The following ITGA8 variants were observed in gnomAD, a reference collection of about 807,000 sequenced individuals.
ITGA8 encodes integrin alpha-8.
In ITGA8, 91 loss-of-function variants were observed where a neutral mutation model predicts 142.3. The observed-to-expected ratio is 0.64, with a 90% confidence interval of 0.54 to 0.76. The LOEUF (loss-of-function observed/expected upper bound fraction) is 0.76, where lower values mean the gene tolerates loss of function less well. ITGA8 is among the 30% of genes least tolerant of loss of function. The pLI is 0.00. For missense variants in ITGA8, 1,406 were observed against 1,327.7 expected (o/e 1.06, Z -0.92); for synonymous variants, 505 against 485.2 (o/e 1.04, Z -0.54).
intron 22 of ITGA8, among the ~76,000 whole-genome samples, chr10:15,590,126 ATAT>A (rs1424284406): frequency 6.6e-6 from 1 of 152,172 alleles, no homozygotes; most frequent in Non-Finnish European, 1.5e-5. Context: ...TGCTGTATGT[ATAT>A]TCCAGTTCTT....
At chr10:15,695,370 A>T (rs1050427428) in intron 2 of ITGA8, among the ~76,000 whole-genome samples, 1 of 152,232 alleles carries the variant, frequency 6.6e-6, no homozygotes, top group African/African-American at 2.4e-5. Flanking sequence ...TCAATAAATT[A>T]TCTGACTTTG....
At chr10:15,655,278 AT>A in intron 11 of ITGA8, 75 bp downstream of exon 11, 1 of 1,019,258 alleles carries the variant, frequency 9.8e-7, no homozygotes, top group Non-Finnish European at 1.5e-6. Flanking sequence ...GGAAGGGTGT[AT>A]TTTGTGAAGG....
At chr10:15,664,724 C>T (rs560167407) in intron 8 of ITGA8, among the ~76,000 whole-genome samples, 6 of 145,148 alleles carry the variant, frequency 4.1e-5, no homozygotes, top group Non-Finnish European at 6.0e-5. Context: ...TGTCCATGTG[C>T]TCTCATTGTT....
At chr10:15,716,959 GCCTA>G (rs1337353771) in intron 2 of ITGA8, among the ~76,000 whole-genome samples, 6 of 152,148 alleles carry the variant, frequency 3.9e-5, no homozygotes, top group Admixed American at 6.5e-5. Context: ...ACCACGCCTG[GCCTA>G]CCTATTGTAA....
chr10:15,703,322 C>T (rs1463453754), intron 2 of ITGA8, among the ~76,000 whole-genome samples: 1 of 152,148 alleles, frequency 6.6e-6, no homozygotes, highest in Non-Finnish European at 1.5e-5. Context: ...TCTTGAATAA[C>T]CAATAGTGCC....
intron 2 of ITGA8, among the ~76,000 whole-genome samples, chr10:15,698,592 A>T (rs1223823843): frequency 6.6e-6 from 1 of 152,158 alleles, no homozygotes; most frequent in East Asian, 1.9e-4. Flanking sequence ...AAATTTTTTA[A>T]TTATAGCCAT....
chr10:15,668,867 T>G (rs1414095334), intron 8 of ITGA8, among the ~76,000 whole-genome samples: 1 of 152,232 alleles, frequency 6.6e-6, no homozygotes, highest in Non-Finnish European at 1.5e-5. Flanking sequence ...TTCTGGCTAG[T>G]AGAGTTTCTG....
At chr10:15,578,517 A>T (rs990328449) in intron 23 of ITGA8, among the ~76,000 whole-genome samples, 1 of 152,142 alleles carries the variant, frequency 6.6e-6, no homozygotes, top group African/African-American at 2.4e-5. Context: ...ATTTCTCTGG[A>T]ATAAAGGAAT....
intron 29 of ITGA8, among the ~76,000 whole-genome samples, chr10:15,517,713 T>C (rs893821636): frequency 6.6e-6 from 1 of 152,212 alleles, no homozygotes; most frequent in African/African-American, 2.4e-5. Flanking sequence ...TGTTTGTTAC[T>C]TGTAGAGAGG....
At chr10:15,699,086 C>T (rs1032858586) in intron 2 of ITGA8, among the ~76,000 whole-genome samples, 24 of 152,264 alleles carry the variant, frequency 1.6e-4, no homozygotes, top group African/African-American at 4.3e-4. Flanking sequence ...GAGTTCGAAA[C>T]GAGCATGGCC....
At chr10:15,667,808 T>A (rs1405316656) in intron 8 of ITGA8, among the ~76,000 whole-genome samples, 1 of 152,178 alleles carries the variant, frequency 6.6e-6, no homozygotes, top group Non-Finnish European at 1.5e-5. Context: ...GGTTGTTCAG[T>A]TTCCATGTAG....
rs893048879 is a variant in ITGA8, at chr10:15,564,621, A to G, written c.2638-6419T>C. 5.9e-5 allele frequency among the ~76,000 whole-genome samples: 9 copies of G among 152,176 alleles called. No homozygotes were observed. The South Asian group carries it at 1.9e-3, about 31-fold the overall frequency. On this transcript the variant is annotated intron_variant, in intron 25 of 29. Coordinates refer to ENST00000378076, the MANE Select transcript of ITGA8 (RefSeq NM_003638.3). ...TTCATCATTCTTTACCAAACTCTTC[A>G]CTGTGTCATAGGTTTAAATTTATGG... is the stretch of plus-strand genomic sequence containing the variant.
At chr10:15,663,227 G>A (rs551796371) in intron 8 of ITGA8, among the ~76,000 whole-genome samples, 10 of 152,200 alleles carry the variant, frequency 6.6e-5, no homozygotes, top group South Asian at 6.2e-4. Context: ...AGCTGATTGC[G>A]ATGTTCCTTG....
intron 28 of ITGA8, among the ~76,000 whole-genome samples, chr10:15,524,476 C>T (rs1833129877): frequency 6.6e-6 from 1 of 152,164 alleles, no homozygotes; most frequent in Non-Finnish European, 1.5e-5. Flanking sequence ...TTGTCCTTGC[C>T]TCTGCACACA....
In ITGA8 at chr10:15,613,716, A is replaced by G. The variant is rs368886147; in HGVS notation, c.1497T>C (p.Ile499=). 5.0e-6 allele frequency: 8 copies of G among 1,614,014 alleles called. No homozygotes were observed. The highest frequency in any genetic ancestry group is 6.8e-6 in the Non-Finnish European group (8 of 1,179,992). The change falls in exon 15 of 30, where the codon ATT becomes ATC. Residue 499 remains isoleucine (I), a synonymous_variant. Transcript: ENST00000378076. The part of the protein sequence containing the change: ...VDAQLLLHPM[I]INLENKTCQV... ...GGCAAGTTTTATTTTCAAGATTGAT[A>G]ATCATTGGGTGCAGCAGAAGCTGGG...
intron 8 of ITGA8, among the ~76,000 whole-genome samples, chr10:15,668,058 A>C (rs888181448): frequency 1.3e-5 from 2 of 152,176 alleles, no homozygotes; most frequent in African/African-American, 2.4e-5. Context: ...AGCTGAGTTC[A>C]ATTCCTGGGT....
At chr10:15,576,018 G>T (rs1834288820) in intron 23 of ITGA8, among the ~76,000 whole-genome samples, 1 of 151,950 alleles carries the variant, frequency 6.6e-6, no homozygotes, top group East Asian at 1.9e-4. Context: ...GTCATATCAA[G>T]AAATGGGATT....
chr10:15,693,166 G>A (rs951092522), intron 2 of ITGA8, among the ~76,000 whole-genome samples: 2 of 152,324 alleles, frequency 1.3e-5, no homozygotes, highest in South Asian at 2.1e-4. Context: ...TAATTGCACA[G>A]TTTTAACTAG....
At position 15,718,837 on chromosome 10, in the gene ITGA8, C is replaced by A. The variant is rs770857881; in HGVS notation, c.272G>T (p.Gly91Val). ...NTSQPDIVEG[G>V]AVYYCPWPAE... ...GGGCCAAGGACAGTAATAGACGGCT[C>A]CCCCTTCCACGATATCGGGCTGGCT... The change falls in exon 2 of 30, where the codon GGA (glycine) becomes GTA (valine). Residue 91 changes from glycine to valine, a missense_variant. Gly to Val is a moderately radical substitution (Grantham distance 109, BLOSUM62 -3). Transcript: ENST00000378076. 1 of 1,614,154 alleles carries A rather than the reference C, an allele frequency of 6.2e-7. No individual in the cohort carries two copies. Among genetic ancestry groups the A allele is most frequent in the East Asian group, 2.2e-5 (1 of 44,860 alleles).
Sources: allele counts gnomAD v4.1 joint callset (sites outside exome capture counted in the v4.1 genomes callset), GRCh38; gene constraint gnomAD v4.1.1; transcripts MANE v1.5; gene names NCBI Gene and HGNC (gene_info 2026-07-23, HGNC 2026-07-21).